LINGO2: variants seen among roughly 807,000 people sequenced by gnomAD.
LINGO2 encodes leucine-rich repeat and immunoglobulin-like domain-containing nogo receptor-interacting protein 2.
LINGO2 carries 14 observed loss-of-function variants against 30.6 expected under a neutral mutation model. That is an observed-to-expected ratio of 0.46 (90% confidence interval 0.30 to 0.72). The LOEUF (loss-of-function observed/expected upper bound fraction) is 0.72. Among genes scored for constraint, LINGO2 ranks in the 30% least tolerant of loss-of-function variants. The pLI is 0.07. For synonymous variants in LINGO2, 317 were observed against 288.5 expected (o/e 1.10, Z -1.00); for missense variants, 729 against 751.7 (o/e 0.97, Z 0.35).
the LINGO2 span, among the ~76,000 whole-genome samples, chr9:29,098,879 A>G: frequency 1.3e-5 from 2 of 152,186 alleles, no homozygotes; most frequent in African/African-American, 4.8e-5. Flanking sequence ...AAGAAAAAAA[A>G]TCCTAAAATT....
At chr9:28,751,041 A>G in the LINGO2 span, among the ~76,000 whole-genome samples, 3,177 of 151,922 alleles carry the variant, frequency 0.021, 130 homozygotes, top group African/African-American at 0.072. Context: ...CAGGTAGGAG[A>G]TTCGCTTGAG....
intron 1 of LINGO2, among the ~76,000 whole-genome samples, chr9:28,562,428 A>G (rs946803997): frequency 4.7e-5 from 7 of 147,866 alleles, no homozygotes; most frequent in African/African-American, 1.3e-4. Context: ...ATATTCTTCA[A>G]CAGGAAATAA....
At chr9:27,972,574 T>G (rs145756006) in intron 5 of LINGO2, among the ~76,000 whole-genome samples, 160 of 152,314 alleles carry the variant, frequency 1.1e-3, no homozygotes, top group African/African-American at 3.8e-3. Context: ...GATCTGGACT[T>G]GGCTCTCCAT....
chr9:28,580,963 A>G (rs1294554468), intron 1 of LINGO2, among the ~76,000 whole-genome samples: 1 of 152,004 alleles, frequency 6.6e-6, no homozygotes, highest in Non-Finnish European at 1.5e-5. Flanking sequence ...GCTGCTCCCT[A>G]GTCACTTTAA....
At chr9:28,479,956 T>TATATATATATATATATATATATAC (rs1491144467) in intron 1 of LINGO2, among the ~76,000 whole-genome samples, 1 of 105,052 alleles carries the variant, frequency 9.5e-6, no homozygotes, top group Non-Finnish European at 2.0e-5. Context: ...TATATATATA[T>TATATATATATATATATATATATAC]GTACATTTTG....
intron 2 of LINGO2, among the ~76,000 whole-genome samples, chr9:28,468,347 C>T (rs1380779438): frequency 1.3e-5 from 2 of 152,152 alleles, no homozygotes. Flanking sequence ...ACTGCCAAGG[C>T]ACTAGTTTCT....
At chr9:28,878,703 T>A in the LINGO2 span, among the ~76,000 whole-genome samples, 1 of 152,184 alleles carries the variant, frequency 6.6e-6, no homozygotes, top group African/African-American at 2.4e-5. Flanking sequence ...TCAATAAATG[T>A]AATCCAGCAT....
At chr9:28,221,191 C>T (rs1166116686) in intron 4 of LINGO2, among the ~76,000 whole-genome samples, 1 of 149,616 alleles carries the variant, frequency 6.7e-6, no homozygotes, top group African/African-American at 2.5e-5. Context: ...GTCCCAGCTA[C>T]TTGGAGGCTG....
chr9:29,189,818 C>G, the LINGO2 span, among the ~76,000 whole-genome samples: 1 of 151,944 alleles, frequency 6.6e-6, no homozygotes, highest in African/African-American at 2.4e-5. Context: ...GAGACCAGCC[C>G]GGCCAACACA....
chr9:28,488,089 T>G (rs1203873086), intron 1 of LINGO2, among the ~76,000 whole-genome samples: 1 of 152,176 alleles, frequency 6.6e-6, no homozygotes, highest in African/African-American at 2.4e-5. Flanking sequence ...TGACAGTCAT[T>G]TCTCTAGGAT....
chr9:28,953,480 C>G, the LINGO2 span, among the ~76,000 whole-genome samples: 6,256 of 151,872 alleles, frequency 0.041, 196 homozygotes, highest in Admixed American at 0.082. Context: ...TAAAAATAAA[C>G]CCATAAAACA....
intron 4 of LINGO2, among the ~76,000 whole-genome samples, chr9:28,274,998 T>C (rs1011028263): frequency 6.6e-6 from 1 of 152,186 alleles, no homozygotes; most frequent in Non-Finnish European, 1.5e-5. Flanking sequence ...AGTATGAGTA[T>C]CTTCACCTCC....
chr9:29,059,208 A>G, the LINGO2 span, among the ~76,000 whole-genome samples: 1 of 151,736 alleles, frequency 6.6e-6, no homozygotes, highest in African/African-American at 2.4e-5. Context: ...AATTTTCCCC[A>G]CCCATAGATG....
At chr9:29,049,865 A>G in the LINGO2 span, among the ~76,000 whole-genome samples, 1 of 152,166 alleles carries the variant, frequency 6.6e-6, no homozygotes, top group Non-Finnish European at 1.5e-5. Flanking sequence ...GAAAGAATAA[A>G]TAAGATCTAC....
the LINGO2 span, among the ~76,000 whole-genome samples, chr9:28,989,674 T>C: frequency 6.6e-6 from 1 of 152,298 alleles, no homozygotes; most frequent in East Asian, 1.9e-4. Flanking sequence ...AAATAAAATA[T>C]ATTTATTATT....
intron 5 of LINGO2, among the ~76,000 whole-genome samples, chr9:27,992,114 G>A (rs895759643): frequency 1.6e-4 from 24 of 152,138 alleles, no homozygotes; most frequent in African/African-American, 5.8e-4. Flanking sequence ...CAACACTGCA[G>A]GCTGTGGCCC....
intron 4 of LINGO2, among the ~76,000 whole-genome samples, chr9:28,195,080 T>A (rs999423556): frequency 6.6e-6 from 1 of 151,978 alleles, no homozygotes; most frequent in African/African-American, 2.4e-5. Context: ...AATGTAAACA[T>A]TTGTTTTTTG....
intron 4 of LINGO2, among the ~76,000 whole-genome samples, chr9:28,240,751 T>C (rs1821753717): frequency 6.6e-6 from 1 of 152,086 alleles, no homozygotes; most frequent in Admixed American, 6.5e-5. Context: ...TCTTGAGTAA[T>C]ATCCCACAAG....
Position 27,980,598 on chromosome 9 carries a change from T to C in LINGO2, c.-35-29892A>G, listed in dbSNP as rs74514601. 1.3e-3 allele frequency among the ~76,000 whole-genome samples: 198 copies of C among 152,076 alleles called. 1 individual carries two copies. Among genetic ancestry groups the C allele is most frequent in the African/African-American group, 4.5e-3 (186 of 41,546 alleles). On this transcript the variant is annotated intron_variant, in intron 5 of 5. Coordinates refer to ENST00000379992, the Ensembl canonical transcript of LINGO2. ...ATTAAGCAGATGTTTGCCCTGGCAT[T>C]TTTCCAGCCCTTCTTGGGTCATCAA...
Sources: gnomAD v4.1 joint callset for allele counts (sites outside exome capture counted in the v4.1 genomes callset) on GRCh38, gnomAD v4.1.1 for gene constraint, MANE v1.5 for transcripts, NCBI Gene and HGNC (gene_info 2026-07-23, HGNC 2026-07-21) for gene names.